The following SPIRE1 variants were observed in gnomAD, a reference collection of about 807,000 sequenced individuals.
SPIRE1 encodes the protein protein spire homolog 1.
In SPIRE1, 40 loss-of-function variants were observed where a neutral mutation model predicts 94.1. The observed-to-expected ratio is 0.43, with a 90% CI of 0.33 to 0.55. The LOEUF is 0.55. Among genes scored for constraint, SPIRE1 ranks in the 20% least tolerant of loss-of-function variants. The pLI is 0.06. For synonymous variants in SPIRE1, 376 were observed against 371.7 expected (o/e 1.01, Z -0.13); for missense variants, 838 against 975.2 (o/e 0.86, Z 1.87).
intron 2 of SPIRE1, among the ~76,000 whole-genome samples, chr18:12,591,924 G>C (rs9951147): frequency 7.2e-6 from 1 of 137,966 alleles, no homozygotes; most frequent in African/African-American, 2.8e-5. Context: ...AGCCGAGATC[G>C]CACCACTGCA....
rs1273694940 is a variant in SPIRE1 at position 12,610,057 on chromosome 18, C to G, written c.372+25005G>C. Among the ~76,000 whole-genome samples, 5 of 151,996 alleles carry G rather than the reference C, an allele frequency of 3.3e-5. No individual in the cohort carries two copies. The East Asian group carries it at 9.7e-4, about 29-fold the overall frequency. On this transcript the variant is annotated intron_variant, in intron 2 of 16. Coordinates refer to ENST00000409402, the MANE Select transcript of SPIRE1 (RefSeq NM_001128626.2). ...GCTCCTCACTGATGCTTCCTCCCCA[C>G]CCCTCCCTCCTCTTCCCAGCCTGGA...
chr18:12,646,469 TG>T (rs997225649), intron 1 of SPIRE1, among the ~76,000 whole-genome samples: 6 of 152,258 alleles, frequency 3.9e-5, no homozygotes, highest in African/African-American at 1.2e-4. Context: ...ACTCAAATAT[TG>T]GTGAAATGAA....
intron 3 of SPIRE1, among the ~76,000 whole-genome samples, chr18:12,536,317 AT>A (rs1448634015): frequency 6.6e-6 from 1 of 152,166 alleles, no homozygotes; most frequent in Admixed American, 6.5e-5. Flanking sequence ...ACATAATACC[AT>A]TTACTCTTCA....
At chr18:12,590,571 A>C (rs1461205291) in intron 2 of SPIRE1, among the ~76,000 whole-genome samples, 3 of 152,146 alleles carry the variant, frequency 2.0e-5, no homozygotes, top group Non-Finnish European at 2.9e-5. Flanking sequence ...AGACTATTTA[A>C]ATTGAAAACA....
intron 16 of SPIRE1, chr18:12,450,298 G>T (rs2031171122): frequency 6.9e-6 from 2 of 288,590 alleles, no homozygotes; most frequent in Admixed American, 4.7e-5. Flanking sequence ...GGTGAAGGTT[G>T]CAGTGAGCTG....
At chr18:12,454,111 A>G (rs987683212) in intron 13 of SPIRE1, among the ~76,000 whole-genome samples, 2 of 152,092 alleles carry the variant, frequency 1.3e-5, no homozygotes, top group Non-Finnish European at 2.9e-5. Context: ...AGACATATCG[A>G]TATTTGTTAT....
At chr18:12,457,572 T>C (rs953151508) in intron 12 of SPIRE1, among the ~76,000 whole-genome samples, 13 of 152,202 alleles carry the variant, frequency 8.5e-5, no homozygotes, top group African/African-American at 2.7e-4. Context: ...GTTCCCTTGC[T>C]TGCTCATGTG....
chr18:12,531,295 G>A (rs1192534884), intron 4 of SPIRE1, among the ~76,000 whole-genome samples: 2 of 152,068 alleles, frequency 1.3e-5, no homozygotes, highest in Non-Finnish European at 2.9e-5. Flanking sequence ...GCATGTGCAT[G>A]CCCACACATT....
rs536420149 is a variant in SPIRE1 at position 12,626,030 on chromosome 18, C to G, written c.372+9032G>C. On this transcript the variant is annotated intron_variant, in intron 2 of 16. Coordinates refer to ENST00000409402, the MANE Select transcript of SPIRE1 (RefSeq NM_001128626.2). ...GGACAACAGAGAGAGACTCCATTCCCCACACCGCCCCGCCCCCCCCCAAAA... is the reference window on the plus strand; with the variant it reads ...GGACAACAGAGAGAGACTCCATTCCGCACACCGCCCCGCCCCCCCCCAAAA... 2.4e-5 allele frequency among the ~76,000 whole-genome samples: 3 copies of G among 126,334 alleles called. No individual in the cohort carries two copies. In the South Asian group the frequency reaches 8.7e-4, roughly 37 times the overall value. 82.9% of individuals were successfully genotyped at this position (126,334 alleles called of 152,430 possible).
At chr18:12,450,378 A>G in intron 16 of SPIRE1, 1 of 363,446 alleles carries the variant, frequency 2.8e-6, no homozygotes. Context: ...AAAAAAGAAA[A>G]GGAAAGAAAG....
intron 9 of SPIRE1, among the ~76,000 whole-genome samples, chr18:12,482,206 G>A (rs897705633): frequency 3.3e-5 from 5 of 152,138 alleles, no homozygotes; most frequent in African/African-American, 4.8e-5. Flanking sequence ...GCAGTGGCGC[G>A]ATCTCAGCTC....
chr18:12,538,589 G>A (rs1233367771), intron 3 of SPIRE1, among the ~76,000 whole-genome samples: 1 of 152,068 alleles, frequency 6.6e-6, no homozygotes, highest in Non-Finnish European at 1.5e-5. Flanking sequence ...CCCTATTCCA[G>A]GCCAGCCCTT....
chr18:12,588,732 A>T (rs1162236005), intron 2 of SPIRE1, among the ~76,000 whole-genome samples: 2 of 151,964 alleles, frequency 1.3e-5, no homozygotes, highest in Non-Finnish European at 2.9e-5. Context: ...CAAATATGTC[A>T]GCTGCTATTA....
chr18:12,623,703 A>G (rs2037540272), intron 2 of SPIRE1, among the ~76,000 whole-genome samples: 2 of 152,076 alleles, frequency 1.3e-5, no homozygotes, highest in Admixed American at 6.5e-5. Context: ...ATCTTGGCTC[A>G]CTGCAACCTC....
intron 2 of SPIRE1, among the ~76,000 whole-genome samples, chr18:12,570,474 T>C (rs1171450695): frequency 6.6e-6 from 1 of 152,170 alleles, no homozygotes; most frequent in Non-Finnish European, 1.5e-5. Flanking sequence ...AGCTTAAAAA[T>C]TCAAAAACCA....
intron 4 of SPIRE1, among the ~76,000 whole-genome samples, chr18:12,522,615 C>A (rs898239861): frequency 2.6e-5 from 4 of 152,150 alleles, no homozygotes; most frequent in African/African-American, 7.2e-5. Context: ...GAAATCAGTG[C>A]TTGGCTTCAA....
chr18:12,545,318 T>C (rs1372290838), intron 3 of SPIRE1, among the ~76,000 whole-genome samples: 3 of 152,194 alleles, frequency 2.0e-5, no homozygotes, highest in Non-Finnish European at 4.4e-5. Flanking sequence ...AACTAAAGAA[T>C]ATATCTGAAT....
At chr18:12,538,201 A>G (rs1228374537) in intron 3 of SPIRE1, among the ~76,000 whole-genome samples, 1 of 152,126 alleles carries the variant, frequency 6.6e-6, no homozygotes, top group Non-Finnish European at 1.5e-5. Context: ...TTCCCTTTAT[A>G]TTAAAGGGAA....
chr18:12,625,048 C>A, intron 2 of SPIRE1, among the ~76,000 whole-genome samples: 1 of 150,222 alleles, frequency 6.7e-6, no homozygotes, highest in East Asian at 2.0e-4. Flanking sequence ...GTAATAAATG[C>A]CAACTGGGCG....
Sources: allele counts gnomAD v4.1 joint callset (sites outside exome capture counted in the v4.1 genomes callset), GRCh38; gene constraint gnomAD v4.1.1; transcripts MANE v1.5; gene names NCBI Gene and HGNC (gene_info 2026-07-23, HGNC 2026-07-21).